The following ZNF718 variants were observed in gnomAD, a reference collection of about 807,000 sequenced individuals.
ZNF718 encodes zinc finger protein 718.
A neutral mutation model predicts 2.6 loss-of-function variants in ZNF718; 3 were observed. The observed-to-expected ratio is 1.16, with a 90% CI of 0.53 to 3.01. ZNF718 has a LOEUF of 3.01. Ranked by LOEUF, ZNF718 falls within the 30% of genes most tolerant of loss-of-function variation. The pLI is 0.03. For missense variants in ZNF718, 468 were observed against 230.0 expected, an observed-to-expected ratio of 2.03 and a Z score of -6.69; for synonymous variants, 135 against 77.9, an observed-to-expected ratio of 1.73 and a Z score of -3.86.
At chr4:165,788 G>C (rs1553816697), downstream of ZNF718, among the ~76,000 whole-genome samples, 1 of 152,176 alleles carries the variant, frequency 6.6e-6, no homozygotes, top group African/African-American at 2.4e-5. Context: ...GACAGAGTGA[G>C]ACTCAGTGTC....
At chr4:193,937 T>C (rs1717742978) in intron 3 of ZNF718, among the ~76,000 whole-genome samples, 2 of 152,190 alleles carry the variant, frequency 1.3e-5, no homozygotes. Context: ...CAATCTTTTT[T>C]AAAGTGTCCT....
At chr4:159,762 C>A (rs539501452) in intron 3 of ZNF718, among the ~76,000 whole-genome samples, 1 of 149,518 alleles carries the variant, frequency 6.7e-6, no homozygotes, top group African/African-American at 2.5e-5. Context: ...TTTTGAATAT[C>A]TTCATTATTT....
At chr4:146,251 C>G (rs782688999) in intron 3 of ZNF718, among the ~76,000 whole-genome samples, 3 of 151,922 alleles carry the variant, frequency 2.0e-5, no homozygotes, top group Non-Finnish European at 4.4e-5. Context: ...CTGAGAATAT[C>G]TTGATTGATA....
downstream of ZNF718, among the ~76,000 whole-genome samples, chr4:166,692 G>A (rs1411457346): frequency 6.6e-6 from 1 of 152,014 alleles, no homozygotes; most frequent in East Asian, 1.9e-4. Context: ...CTTTTTGATG[G>A]GGCTGTTTGT....
At chr4:151,195 C>T (rs782617686) in intron 3 of ZNF718, among the ~76,000 whole-genome samples, 14 of 152,060 alleles carry the variant, frequency 9.2e-5, no homozygotes, top group African/African-American at 2.4e-4. Context: ...TTCTGCCTCC[C>T]GGGTTCAGGC....
intron 3 of ZNF718, among the ~76,000 whole-genome samples, chr4:180,143 G>A (rs1293692057): frequency 6.6e-6 from 1 of 152,184 alleles, no homozygotes; most frequent in Non-Finnish European, 1.5e-5. Flanking sequence ...GGCCTCCTGG[G>A]AGAGACAGAG....
rs376327157 is a variant in ZNF718 at position 150,739 on chromosome 4, A to G, written c.227-10173A>G. On this transcript the variant is annotated intron_variant, in intron 3 of 3. Transcript: ENST00000510175. ...GTGTAGATGTCTCTTTGACATACTG[A>G]TTTTGTTTTTTTTAGCTACAAAGAA... is the stretch of plus-strand genomic sequence containing the variant. 4.0e-5 allele frequency among the ~76,000 whole-genome samples: 6 copies of G among 148,718 alleles called. No individual in the cohort carries two copies. In the South Asian group the frequency reaches 8.5e-4, roughly 21 times the overall value.
At chr4:171,780 C>T (rs554100083) in intron 3 of ZNF718, among the ~76,000 whole-genome samples, 6 of 152,310 alleles carry the variant, frequency 3.9e-5, no homozygotes, top group Non-Finnish European at 5.9e-5. Context: ...TTCCCTGACC[C>T]GTTGTGCTTC....
At chr4:171,526 C>T (rs1279542344) in intron 3 of ZNF718, among the ~76,000 whole-genome samples, 1 of 152,122 alleles carries the variant, frequency 6.6e-6, no homozygotes, top group Admixed American at 6.5e-5. Context: ...TGTTTACCCC[C>T]TCAAGCCTCG....
chr4:139,881 T>C (rs1421629358), intron 3 of ZNF718, among the ~76,000 whole-genome samples: 1 of 152,212 alleles, frequency 6.6e-6, no homozygotes, highest in African/African-American at 2.4e-5. Flanking sequence ...GTGAAACTAA[T>C]GGGTTTCCGT....
rs1363900710 is a variant in ZNF718 at position 161,552 on chromosome 4, T to TA, written c.870dup (p.Ala291SerfsTer3). 3.8e-6 allele frequency: 3 copies of TA among 780,614 alleles called. No homozygotes were observed. Among genetic ancestry groups the TA allele is most frequent in the Non-Finnish European group, 4.8e-6 (2 of 417,964 alleles). 48.4% of individuals were successfully genotyped at this position (780,614 alleles called of 1,614,324 possible). On this transcript the variant is annotated frameshift_variant, in exon 4 of 4. Coordinates refer to ENST00000510175, the MANE Select transcript of ZNF718 (RefSeq NM_001039127.6). LOFTEE classifies it low-confidence loss of function (END_TRUNC). ...AATACTACAAATGTGAAGAATGTGG[T>TA]AAAGCCTTTAAGTGGTCCTCATCCC...
chr4:196,221 G>A (rs1553821982), intron 3 of ZNF718, among the ~76,000 whole-genome samples: 2 of 152,204 alleles, frequency 1.3e-5, no homozygotes, highest in Non-Finnish European at 2.9e-5. Flanking sequence ...ATTGGGGAAG[G>A]AGAGCATCTT....
At chr4:196,043 C>T (rs1282401583) in intron 3 of ZNF718, among the ~76,000 whole-genome samples, 1 of 151,998 alleles carries the variant, frequency 6.6e-6, no homozygotes, top group Non-Finnish European at 1.5e-5. Context: ...CTCTCTCTCC[C>T]TCTCTTTTTC....
chr4:147,394 C>T (rs1716113145), intron 3 of ZNF718, among the ~76,000 whole-genome samples: 1 of 152,090 alleles, frequency 6.6e-6, no homozygotes, highest in South Asian at 2.1e-4. Flanking sequence ...TAAATATCTT[C>T]TTCTGTTGGA....
At chr4:191,692 G>A (rs1717696358) in intron 3 of ZNF718, among the ~76,000 whole-genome samples, 2 of 152,158 alleles carry the variant, frequency 1.3e-5, no homozygotes, top group Admixed American at 1.3e-4. Flanking sequence ...ACACTTACCA[G>A]CAATACCTTC....
At chr4:152,836 A>G (rs1553812858) in intron 3 of ZNF718, among the ~76,000 whole-genome samples, 1 of 151,948 alleles carries the variant, frequency 6.6e-6, no homozygotes, top group Non-Finnish European at 1.5e-5. Flanking sequence ...ATCTTTTGTC[A>G]TAAGTATACT....
chr4:179,112 G>C (rs371268223), intron 3 of ZNF718, among the ~76,000 whole-genome samples: 5 of 152,134 alleles, frequency 3.3e-5, no homozygotes, highest in Non-Finnish European at 7.4e-5. Flanking sequence ...TTTAGGTGTT[G>C]AATTTTTTGA....
intron 3 of ZNF718, among the ~76,000 whole-genome samples, chr4:187,626 T>C (rs1035963196): frequency 9.9e-5 from 15 of 152,178 alleles, no homozygotes; most frequent in African/African-American, 3.6e-4. Context: ...GGGGTCTCCA[T>C]CCCAGGGGGT....
downstream of ZNF718, among the ~76,000 whole-genome samples, chr4:168,403 T>C (rs1717142233): frequency 6.6e-6 from 1 of 152,210 alleles, no homozygotes; most frequent in Non-Finnish European, 1.5e-5. Flanking sequence ...TTTCTATTGA[T>C]TGGAATAGTT....
Sources: gnomAD v4.1 joint callset for allele counts (sites outside exome capture counted in the v4.1 genomes callset) on GRCh38, gnomAD v4.1.1 for gene constraint, MANE v1.5 for transcripts, NCBI Gene and HGNC (gene_info 2026-07-23, HGNC 2026-07-21) for gene names.